Variants in ADAM22 observed in about 807,000 individuals in gnomAD.
ADAM22 encodes disintegrin and metalloproteinase domain-containing protein 22.
Under a neutral mutation model 144.6 loss-of-function variants are expected in ADAM22, and 65 were observed. The ratio of observed to expected loss-of-function variants is 0.45; its 90% confidence interval spans 0.37 to 0.55. The LOEUF (loss-of-function observed/expected upper bound fraction) is 0.55. Ranked by LOEUF, ADAM22 falls within the 20% of genes least tolerant of loss-of-function variation. The pLI, the probability that ADAM22 is intolerant of heterozygous loss-of-function variation, is 0.00. For synonymous variants in ADAM22, 391 were observed against 412.6 expected (o/e 0.95, Z 0.63); for missense variants, 974 against 1,184.9 (o/e 0.82, Z 2.61).
chr7:88,187,086 CT>C (rs1386319073), intron 30 of ADAM22, among the ~76,000 whole-genome samples: 1 of 152,132 alleles, frequency 6.6e-6, no homozygotes, highest in African/African-American at 2.4e-5. Context: ...TGCATTTTTC[CT>C]ACTTACTGCC....
At chr7:88,060,552 C>T (rs540831689) in intron 3 of ADAM22, among the ~76,000 whole-genome samples, 8 of 151,660 alleles carry the variant, frequency 5.3e-5, no homozygotes, top group Admixed American at 1.3e-4. Flanking sequence ...GGGTGGATTA[C>T]GAGGTTAGGA....
intron 6 of ADAM22, among the ~76,000 whole-genome samples, chr7:88,115,941 T>C (rs1827649912): frequency 6.6e-6 from 1 of 152,224 alleles, no homozygotes; most frequent in Non-Finnish European, 1.5e-5. Context: ...ACTTTCATTC[T>C]AGCTCTGTAC....
chr7:87,976,908 A>G (rs1489884509), intron 2 of ADAM22, among the ~76,000 whole-genome samples: 1 of 149,580 alleles, frequency 6.7e-6, no homozygotes, highest in African/African-American at 2.5e-5. Flanking sequence ...TCTAGGGCTT[A>G]CATTTGGGGT....
At chr7:87,958,480 G>C (rs1053218924) in intron 2 of ADAM22, among the ~76,000 whole-genome samples, 9 of 151,734 alleles carry the variant, frequency 5.9e-5, no homozygotes, top group Non-Finnish European at 1.2e-4. Context: ...CTGCCTCCCG[G>C]GTTCAAGTGA....
chr7:87,944,050 G>C (rs2131292977), intron 2 of ADAM22, among the ~76,000 whole-genome samples: 1 of 152,158 alleles, frequency 6.6e-6, no homozygotes, highest in East Asian at 1.9e-4. Flanking sequence ...AGAACTCCTG[G>C]TTGAGTTGTG....
intron 17 of ADAM22, 112 bp from the exon 18 acceptor site, chr7:88,148,865 A>G: frequency 1.4e-6 from 1 of 735,156 alleles, no homozygotes; most frequent in South Asian, 1.9e-5. Flanking sequence ...ACCATCTTAC[A>G]GTAGTTTAAG....
chr7:88,038,503 G>A (rs1302177894), intron 3 of ADAM22, among the ~76,000 whole-genome samples: 1 of 149,066 alleles, frequency 6.7e-6, no homozygotes, highest in African/African-American at 2.5e-5. Flanking sequence ...CGCCCAGGCT[G>A]GAGTGCAGTG....
chr7:87,941,176 T>G (rs564660963), intron 2 of ADAM22, among the ~76,000 whole-genome samples: 4 of 152,178 alleles, frequency 2.6e-5, no homozygotes, highest in African/African-American at 9.6e-5. Flanking sequence ...TTTTTTCCTC[T>G]GGCTCTTTCC....
chr7:88,137,467 C>A (rs183239877), intron 14 of ADAM22, among the ~76,000 whole-genome samples: 1 of 152,264 alleles, frequency 6.6e-6, no homozygotes, highest in Admixed American at 6.5e-5. Context: ...CATAATACTA[C>A]ATAGATTTTC....
chr7:88,150,040 G>A (rs1837858442), intron 18 of ADAM22, among the ~76,000 whole-genome samples: 1 of 152,198 alleles, frequency 6.6e-6, no homozygotes, highest in Admixed American at 6.5e-5. Flanking sequence ...AGATGTGAAT[G>A]TGAAGTTTCT....
intron 4 of ADAM22, among the ~76,000 whole-genome samples, chr7:88,076,005 T>C (rs1814360218): frequency 6.6e-6 from 1 of 152,026 alleles, no homozygotes; most frequent in Non-Finnish European, 1.5e-5. Context: ...ACCCCAATTA[T>C]TTTATTTTAT....
chr7:87,974,559 TAGCCAAAC>T (rs955166569), intron 2 of ADAM22, among the ~76,000 whole-genome samples: 3 of 152,334 alleles, frequency 2.0e-5, no homozygotes, highest in African/African-American at 7.2e-5. Context: ...GTCTTGGTTT[TAGCCAAAC>T]TGTGGAGGAA....
intron 2 of ADAM22, among the ~76,000 whole-genome samples, chr7:87,946,349 C>T (rs1164180817): frequency 1.3e-5 from 2 of 152,090 alleles, no homozygotes; most frequent in Non-Finnish European, 2.9e-5. Context: ...TTGATAGTTT[C>T]TTTTGCTGTG....
intron 7 of ADAM22, among the ~76,000 whole-genome samples, chr7:88,125,243 T>A (rs746433059): frequency 2.6e-5 from 4 of 152,028 alleles, no homozygotes; most frequent in Admixed American, 6.6e-5. Flanking sequence ...TCATTGCTCC[T>A]CTTCTTTATT....
intron 4 of ADAM22, among the ~76,000 whole-genome samples, chr7:88,083,415 C>T (rs1198353618): frequency 6.6e-6 from 1 of 151,806 alleles, no homozygotes; most frequent in Non-Finnish European, 1.5e-5. Context: ...GTGCAGCACA[C>T]CAACATGGCA....
chr7:87,998,685 T>C (rs958847245), intron 3 of ADAM22, among the ~76,000 whole-genome samples: 9 of 152,132 alleles, frequency 5.9e-5, no homozygotes, highest in Non-Finnish European at 1.2e-4. Context: ...CACCACGCCC[T>C]GCCGAGAGTC....
At chr7:88,148,857 C>T (rs752517882) in intron 17 of ADAM22, 120 bp from the exon 18 acceptor site, 131 of 676,338 alleles carry the variant, frequency 1.9e-4, no homozygotes, top group Non-Finnish European at 3.0e-4. Flanking sequence ...GACAGATTAC[C>T]ATCTTACAGT....
At chr7:88,004,874 A>G (rs1793414833) in intron 3 of ADAM22, among the ~76,000 whole-genome samples, 1 of 152,148 alleles carries the variant, frequency 6.6e-6, no homozygotes, top group Non-Finnish European at 1.5e-5. Flanking sequence ...ATTTTTTCCA[A>G]ATAATTTTTT....
chr7:88,192,197 G>A (rs1420418847), intron 30 of ADAM22, among the ~76,000 whole-genome samples: 1 of 152,062 alleles, frequency 6.6e-6, no homozygotes, highest in Non-Finnish European at 1.5e-5. Flanking sequence ...AGTTCAATGT[G>A]GGTTTTTACC....
Sources: allele counts gnomAD v4.1 joint callset (sites outside exome capture counted in the v4.1 genomes callset), GRCh38; gene constraint gnomAD v4.1.1; transcripts MANE v1.5; gene names NCBI Gene and HGNC (gene_info 2026-07-23, HGNC 2026-07-21).